The following CNBD2 variants were observed in gnomAD, a reference collection of about 807,000 sequenced individuals.
CNBD2 encodes the protein cyclic nucleotide binding domain containing 2.
A neutral mutation model predicts 63.7 loss-of-function variants in CNBD2; 64 were observed. The ratio of observed to expected loss-of-function variants is 1.00; its 90% CI spans 0.82 to 1.24. CNBD2 has a LOEUF of 1.24. Among genes scored for constraint, CNBD2 ranks in the 50% most tolerant of loss-of-function variants. The pLI, the probability that CNBD2 is intolerant of heterozygous loss-of-function variation, is 0.00. For synonymous variants in CNBD2, 229 were observed against 255.4 expected, an observed-to-expected ratio of 0.90 and a Z score of 0.99; for missense variants, 691 against 713.5, an observed-to-expected ratio of 0.97 and a Z score of 0.36.
intron 4 of CNBD2, 41 bp from the exon 5 acceptor site, chr20:35,983,941 C>G (rs776131665): frequency 6.2e-7 from 1 of 1,613,332 alleles, no homozygotes; most frequent in African/African-American, 1.3e-5. Flanking sequence ...GGACCTGCCC[C>G]CATGTCACTA....
chr20:35,963,694 A>AT (rs1266400930), upstream of CNBD2, among the ~76,000 whole-genome samples: 4 of 152,126 alleles, frequency 2.6e-5, no homozygotes, highest in African/African-American at 9.7e-5. Context: ...TTGGTAAATT[A>AT]TTTTTTCCTA....
chr20:35,970,747 G>C (rs2056401469), intron 1 of CNBD2, among the ~76,000 whole-genome samples: 1 of 150,848 alleles, frequency 6.6e-6, no homozygotes, highest in Admixed American at 6.6e-5. Context: ...ACAGGGTCTT[G>C]CTCTGTTACC....
At chr20:35,976,702 C>T (rs1158353690) in intron 3 of CNBD2, among the ~76,000 whole-genome samples, 35 of 152,308 alleles carry the variant, frequency 2.3e-4, no homozygotes, top group Admixed American at 2.2e-3. Context: ...TTCTTGGCTT[C>T]TCTCCATGAT....
chr20:35,967,128 A>C (rs1208314282), upstream of CNBD2, among the ~76,000 whole-genome samples: 4 of 152,006 alleles, frequency 2.6e-5, no homozygotes, highest in Non-Finnish European at 5.9e-5. Flanking sequence ...AGTTCTGCCC[A>C]AGATGGTGGC....
rs144534589 is a variant in CNBD2 at position 36,011,211 on chromosome 20, T to C, written c.1223T>C (p.Val408Ala). 202 of 1,595,822 alleles carry C rather than the reference T, an allele frequency of 1.3e-4. 1 individual carries two copies. The highest frequency in any genetic ancestry group is 1.2e-3 in the Middle Eastern group (7 of 5,988). Reference protein sequence around the residue: ...KPGELPKEAAVGAYVKVHTVE... With the variant: ...KPGELPKEAAAGAYVKVHTVE... ...GGTGAGCTCCCCAAGGAGGCTGCAG[T>C]GGGGGCCTACGTGAAGGTGCACACT... Residue 408 changes from valine (V) to alanine (A), a missense_variant, in exon 10 of 12, where the codon GTG becomes GCG. Physicochemically the swap from Val to Ala is moderately conservative, Grantham distance 64 (BLOSUM62 0). Coordinates refer to ENST00000373973, the MANE Select transcript of CNBD2 (RefSeq NM_001365709.1).
chr20:35,966,357 C>G (rs1292716218), upstream of CNBD2, among the ~76,000 whole-genome samples: 3 of 152,176 alleles, frequency 2.0e-5, no homozygotes, highest in Non-Finnish European at 1.5e-5. Flanking sequence ...GTCCAGCCAT[C>G]TTTGCTGAAC....
chr20:36,009,329 G>A (rs1224700062), intron 9 of CNBD2, among the ~76,000 whole-genome samples: 3 of 151,774 alleles, frequency 2.0e-5, no homozygotes, highest in African/African-American at 7.3e-5. Flanking sequence ...AGCCTCCCGA[G>A]TAGCTGGGAC....
intron 8 of CNBD2, among the ~76,000 whole-genome samples, chr20:36,004,747 G>A (rs1017359722): frequency 2.0e-5 from 3 of 152,046 alleles, no homozygotes; most frequent in Middle Eastern, 3.4e-3. Flanking sequence ...TCTTTTTGTA[G>A]AGATAGAGTC....
chr20:35,992,153 T>C (rs935116210), intron 7 of CNBD2, among the ~76,000 whole-genome samples: 3 of 152,118 alleles, frequency 2.0e-5, no homozygotes, highest in Admixed American at 2.0e-4. Context: ...AGTGCTGGGA[T>C]TACAGGCATG....
chr20:36,005,402 A>G (rs1024367310), intron 8 of CNBD2, among the ~76,000 whole-genome samples: 1 of 152,096 alleles, frequency 6.6e-6, no homozygotes, highest in African/African-American at 2.4e-5. Flanking sequence ...AGCTCAGGTG[A>G]TAATGCTCAT....
At chr20:35,997,574 G>A (rs892761697) in intron 8 of CNBD2, among the ~76,000 whole-genome samples, 1 of 152,176 alleles carries the variant, frequency 6.6e-6, no homozygotes, top group Admixed American at 6.5e-5. Flanking sequence ...CTGGGCAAGT[G>A]GGCCCTATGT....
chr20:35,957,604 C>T (rs201015531), downstream of CNBD2: 5 of 152,190 alleles, frequency 3.3e-5, 1 homozygote, highest in East Asian at 3.9e-4. Flanking sequence ...GCCTCTTCTT[C>T]GAAAAGGGAT....
intron 8 of CNBD2, among the ~76,000 whole-genome samples, chr20:36,002,413 G>C (rs369399867): frequency 6.6e-6 from 1 of 151,996 alleles, no homozygotes; most frequent in Non-Finnish European, 1.5e-5. Context: ...GAGGGAGACC[G>C]TGGGGAGAGG....
At chr20:35,954,532 C>G (rs34688876), upstream of CNBD2, 1 of 1,517,340 alleles carries the variant, frequency 6.6e-7, no homozygotes, top group Non-Finnish European at 8.9e-7. Flanking sequence ...CACCCGGAAG[C>G]CGCTTGCGGG....
chr20:35,992,556 C>T (rs1368267341), intron 7 of CNBD2, among the ~76,000 whole-genome samples: 2 of 152,222 alleles, frequency 1.3e-5, no homozygotes, highest in East Asian at 1.9e-4. Flanking sequence ...AAAAATAATG[C>T]GGAAGTCACT....
Position 36,021,336 on chromosome 20 carries a change from A to T in CNBD2, c.1270-2266A>T, listed in dbSNP as rs564823130. 3.3e-5 allele frequency among the ~76,000 whole-genome samples: 5 copies of T among 152,348 alleles called. No individual in the cohort carries two copies. In the East Asian group the frequency reaches 9.6e-4, roughly 29 times the overall value. On this transcript the variant is annotated intron_variant, in intron 10 of 11. Transcript: ENST00000373973. ...AGACAAATATTGTATGTTCTCACTC[A>T]TATGTGGGACCTAAAAACTGGATCT...
intron 10 of CNBD2, among the ~76,000 whole-genome samples, chr20:36,021,158 G>A (rs1312209858): frequency 1.3e-5 from 2 of 152,184 alleles, no homozygotes; most frequent in Non-Finnish European, 1.5e-5. Flanking sequence ...ATCAATCTAA[G>A]TGTCCGTTAA....
upstream of CNBD2, among the ~76,000 whole-genome samples, chr20:35,967,544 T>TAA (rs563739384): frequency 2.8e-3 from 339 of 119,954 alleles, 1 homozygote; most frequent in Non-Finnish European, 4.5e-3. Context: ...ACTGCTTTCT[T>TAA]AAAAAAAAAA....
intron 1 of CNBD2, among the ~76,000 whole-genome samples, chr20:35,970,883 C>T (rs143364999): frequency 9.9e-4 from 149 of 150,800 alleles, no homozygotes; most frequent in South Asian, 2.1e-4. Flanking sequence ...GCCTAGCTAA[C>T]GATGTACTTT....
Sources: allele counts gnomAD v4.1 joint callset (sites outside exome capture counted in the v4.1 genomes callset), GRCh38; gene constraint gnomAD v4.1.1; transcripts MANE v1.5; gene names NCBI Gene and HGNC (gene_info 2026-07-23, HGNC 2026-07-21).